The following ZBTB24 variants were observed in gnomAD, a reference collection of about 807,000 sequenced individuals.
ZBTB24 encodes zinc finger and BTB domain containing 24.
A neutral mutation model predicts 53.8 loss-of-function variants in ZBTB24; 32 were observed. The ratio of observed to expected loss-of-function variants is 0.60; its 90% CI spans 0.45 to 0.80. The LOEUF is 0.80. ZBTB24 is among the 30% of genes least tolerant of loss of function. The pLI is 0.00. For synonymous variants in ZBTB24, 297 were observed against 306.7 expected (o/e 0.97, Z 0.33); for missense variants, 722 against 837.1 (o/e 0.86, Z 1.70).
At chr6:109,467,309 G>A (rs1776066391) in intron 6 of ZBTB24, among the ~76,000 whole-genome samples, 1 of 152,120 alleles carries the variant, frequency 6.6e-6, no homozygotes, top group African/African-American at 2.4e-5. Flanking sequence ...GATCACTTGA[G>A]GTCAGGAGTC....
At chr6:109,472,272 A>G (rs533137588) in intron 5 of ZBTB24, among the ~76,000 whole-genome samples, 2 of 152,010 alleles carry the variant, frequency 1.3e-5, no homozygotes, top group Non-Finnish European at 1.5e-5. Flanking sequence ...GAAGAACCCC[A>G]ATTTTTTGAT....
rs1401907268 is a variant in ZBTB24, at chr6:109,464,933, G to C, written c.*918C>G. 6.6e-6 allele frequency: 1 copy of C among 152,180 alleles called. No individual in the cohort carries two copies. Among genetic ancestry groups the C allele is most frequent in the African/African-American group, 2.4e-5 (1 of 41,424 alleles). The allele number at this position is 152,180 out of a possible 1,614,324, so 9.4% of individuals were successfully genotyped here. A position where few individuals can be genotyped will look rare whatever the true frequency, so the allele number is the denominator to read the frequency against. On this transcript the variant is annotated 3_prime_UTR_variant, in exon 7 of 7. Transcript: ENST00000230122. ...AACACGTAGATCAACATTTTCAGGAGATCAGTTAGAATTCAGTAGAGTATA... is the reference window on the plus strand; with the variant it reads ...AACACGTAGATCAACATTTTCAGGACATCAGTTAGAATTCAGTAGAGTATA...
chr6:109,473,842 G>C (rs538800657), intron 5 of ZBTB24, among the ~76,000 whole-genome samples: 1 of 152,098 alleles, frequency 6.6e-6, no homozygotes, highest in African/African-American at 2.4e-5. Flanking sequence ...CAGCGCTTTG[G>C]GAGGCTGGGA....
chr6:109,476,889 C>T lies in ZBTB24; in HGVS notation c.994G>A (p.Ala332Thr), dbSNP rs1358583858. Residue 332 changes from alanine to threonine, a missense_variant, in exon 3 of 7, where the codon GCC becomes ACC. Transcript: ENST00000230122. ...FKCNECGKGFAQKHSLQVHTR... is the reference protein window; with the variant it reads ...FKCNECGKGFTQKHSLQVHTR... The stretch of plus-strand genomic sequence containing the variant: ...TGGACCTGTAGCGAGTGCTTCTGGG[C>T]AAAGCCTTTTCCACACTCATTACAT... 6.2e-7 allele frequency: 1 copy of T among 1,614,132 alleles called. No homozygotes were observed. Among genetic ancestry groups the T allele is most frequent in the Non-Finnish European group, 8.5e-7 (1 of 1,180,026 alleles).
chr6:109,478,977 A>G (rs1331079547), intron 2 of ZBTB24, among the ~76,000 whole-genome samples: 2 of 152,198 alleles, frequency 1.3e-5, no homozygotes, highest in African/African-American at 4.8e-5. Flanking sequence ...GGGGAAAAAA[A>G]TAAGAGTTGA....
chr6:109,467,847 A>ACAAAGGCAATCCCT, intron 5 of ZBTB24, 113 bp from the exon 6 acceptor site: 2 of 1,220,028 alleles, frequency 1.6e-6, no homozygotes, highest in Non-Finnish European at 1.1e-6. Context: ...TATAAACAGA[A>ACAAAGGCAATCCCT]CAAAGGCAAT....
rs1245508561 is a variant in ZBTB24, at chr6:109,476,271, C to A, written c.1121-13G>T. 1.2e-6 allele frequency: 2 copies of A among 1,613,488 alleles called. No homozygotes were observed. The highest frequency in any genetic ancestry group is 1.1e-5 in the South Asian group (1 of 91,080). ...AAAGACTTCTGTCCTGCCAAAAAAACCAAAACACTAAAACATGTAAAAAAT... is the reference window on the plus strand; with the variant it reads ...AAAGACTTCTGTCCTGCCAAAAAAAACAAAACACTAAAACATGTAAAAAAT... On this transcript the variant is annotated splice_polypyrimidine_tract_variant and intron_variant, in intron 3 of 6. Coordinates refer to ENST00000230122, the MANE Select transcript of ZBTB24 (RefSeq NM_014797.3).
intron 4 of ZBTB24, 35 bp from the exon 5 acceptor site, chr6:109,475,517 C>G (rs1320211779): frequency 1.2e-6 from 2 of 1,605,280 alleles, no homozygotes; most frequent in Non-Finnish European, 1.7e-6. Context: ...TCAGTGCATA[C>G]ATGCTCTCCC....
chr6:109,467,710 A>C lies in ZBTB24; in HGVS notation c.1313T>G (p.Ile438Ser). 1 of 1,614,164 alleles carries C rather than the reference A, an allele frequency of 6.2e-7. No homozygotes were observed. The highest frequency in any genetic ancestry group is 1.1e-5 in the South Asian group (1 of 91,052). The change falls in exon 6 of 7, where the codon ATC becomes AGC. Residue 438 changes from isoleucine to serine, a missense_variant. Physicochemically the swap from Ile to Ser is moderately radical, Grantham distance 142 (BLOSUM62 -2). Transcript: ENST00000230122. ...CTTTGCTGTGAAAGATTTGCCACAG[A>C]TTTCACAAGTAAATGGCTTCTCACC... is the stretch of plus-strand genomic sequence containing the variant. ...HTGEKPFTCE[I>S]CGKSFTAKSS...
chr6:109,468,291 A>G (rs1776094042), intron 5 of ZBTB24, among the ~76,000 whole-genome samples: 1 of 152,070 alleles, frequency 6.6e-6, no homozygotes, highest in African/African-American at 2.4e-5. Context: ...CAATATGGCC[A>G]CCAGAGTGAG....
chr6:109,475,043 T>TAAA (rs5879027), intron 5 of ZBTB24, among the ~76,000 whole-genome samples: 1,338 of 116,348 alleles, frequency 0.011, 30 homozygotes, highest in African/African-American at 0.042. Context: ...CCCTTATCTT[T>TAAA]AAAAAAAAAA....
chr6:109,467,876 C>T (rs575829609), intron 5 of ZBTB24, 142 bp from the exon 6 acceptor site: 10 of 921,860 alleles, frequency 1.1e-5, no homozygotes, highest in East Asian at 2.6e-5. Flanking sequence ...TAAGCGTAAA[C>T]GAATGATGCA....
rs967225781 is a variant in ZBTB24, at chr6:109,465,413, C to T, written c.*438G>A. 5 of 533,560 alleles carry T rather than the reference C, an allele frequency of 9.4e-6. No individual in the cohort carries two copies. The highest frequency in any genetic ancestry group is 3.8e-5 in the African/African-American group (2 of 52,626). 33.1% of individuals were successfully genotyped at this position (533,560 alleles called of 1,614,324 possible). ...TGTCTTGTGGTAACAACTGTGTTGC[C>T]TAAGAAAAATAAGAAAATAGAACAA... On this transcript the variant is annotated 3_prime_UTR_variant, in exon 7 of 7. Coordinates refer to ENST00000230122, the MANE Select transcript of ZBTB24 (RefSeq NM_014797.3).
At chr6:109,473,994 CAGG>C (rs1264184125) in intron 5 of ZBTB24, among the ~76,000 whole-genome samples, 9 of 148,908 alleles carry the variant, frequency 6.0e-5, no homozygotes, top group Admixed American at 6.8e-5. Context: ...GAGGATGAAG[CAGG>C]AGAATTGCTT....
chr6:109,472,071 G>A (rs1374565336), intron 5 of ZBTB24, among the ~76,000 whole-genome samples: 1 of 152,176 alleles, frequency 6.6e-6, no homozygotes, highest in African/African-American at 2.4e-5. Context: ...AGATCTAAGA[G>A]ATGAATGACA....
rs746069686 is a variant in ZBTB24 at position 109,465,638 on chromosome 6, T to C, written c.*213A>G. On this transcript the variant is annotated 3_prime_UTR_variant, in exon 7 of 7. Coordinates refer to ENST00000230122, the MANE Select transcript of ZBTB24 (RefSeq NM_014797.3). The stretch of plus-strand genomic sequence containing the variant: ...TTAAAATGAAAACCATTCAATAATA[T>C]TGAAATGCTCAATACAAATCAGTAC... 38 of 1,546,334 alleles carry C rather than the reference T, an allele frequency of 2.5e-5. No homozygotes were observed. The South Asian group carries it at 4.2e-4, about 17-fold the overall frequency.
chr6:109,478,887 C>T (rs1055354129), intron 2 of ZBTB24, among the ~76,000 whole-genome samples: 2 of 150,398 alleles, frequency 1.3e-5, no homozygotes, highest in African/African-American at 4.9e-5. Context: ...CATTAACATG[C>T]TCATAGAGGT....
intron 2 of ZBTB24, among the ~76,000 whole-genome samples, chr6:109,477,656 A>T (rs1460612025): frequency 6.6e-6 from 1 of 152,198 alleles, no homozygotes; most frequent in African/African-American, 2.4e-5. Context: ...GAGGGTTAAG[A>T]AAAAGGGGTC....
In ZBTB24 at chr6:109,481,305, G is replaced by A; in HGVS notation, c.722C>T (p.Pro241Leu). The A allele has an allele frequency of 6.2e-7, 1 of 1,614,096 alleles. No homozygotes were observed. The highest frequency in any genetic ancestry group is 1.1e-5 in the South Asian group (1 of 91,070). The change falls in exon 2 of 7, where the codon CCC becomes CTC. Residue 241 changes from proline (P) to leucine (L), a missense_variant. By Grantham distance (98) the Pro-to-Leu change is moderately conservative. Coordinates refer to ENST00000230122, the MANE Select transcript of ZBTB24 (RefSeq NM_014797.3). ...MPVEKDENYD[P>L]KTEDGQASQS... ...GCTTGCCTGGCCATCCTCGGTCTTG[G>A]GATCATAGTTCTCATCTTTTTCAAC...
Sources: gnomAD v4.1 joint callset for allele counts (sites outside exome capture counted in the v4.1 genomes callset) on GRCh38, gnomAD v4.1.1 for gene constraint, MANE v1.5 for transcripts, NCBI Gene and HGNC (gene_info 2026-07-23, HGNC 2026-07-21) for gene names.